PCM1: variants seen among roughly 807,000 people sequenced by gnomAD.
PCM1 encodes pericentriolar material 1.
In PCM1, 157 loss-of-function variants were observed where a neutral mutation model predicts 241.9. The observed-to-expected ratio is 0.65, with a 90% CI of 0.57 to 0.74. The LOEUF is 0.74. Ranked by LOEUF, PCM1 falls within the 30% of genes least tolerant of loss-of-function variation. The pLI is 0.00. For missense variants in PCM1, 3,478 were observed against 2,360.1 expected (o/e 1.47, Z -9.81); for synonymous variants, 1,085 against 784.9 (o/e 1.38, Z -6.39).
At chr8:17,986,118 T>C in intron 26 of PCM1, 31 bp downstream of exon 26, 6 of 1,429,950 alleles carry the variant, frequency 4.2e-6, no homozygotes, top group Non-Finnish European at 5.6e-6. Flanking sequence ...GAATTGTAGA[T>C]ATAATTTTAG....
At chr8:17,984,044 T>A (rs2081823368) in intron 24 of PCM1, among the ~76,000 whole-genome samples, 1 of 152,088 alleles carries the variant, frequency 6.6e-6, no homozygotes, top group Non-Finnish European at 1.5e-5. Context: ...TAAATTTCAG[T>A]TCAGGAGGAG....
In PCM1 at chr8:17,980,791, GT is replaced by G. The variant is rs2080452951; in HGVS notation, c.4108+40del. 2.7e-6 allele frequency: 4 copies of G among 1,494,690 alleles called. No homozygotes were observed. The South Asian group carries it at 3.6e-5, about 14-fold the overall frequency. 92.6% of individuals were successfully genotyped at this position (1,494,690 alleles called of 1,614,324 possible). A position where few individuals can be genotyped will look rare whatever the true frequency, so the allele number is the denominator to read the frequency against. On this transcript the variant is annotated intron_variant, in intron 24 of 38. Coordinates refer to ENST00000325083, the MANE Select transcript of PCM1 (RefSeq NM_006197.4). ...TTTTGGTTTGCATTAATATAAGGAGGTTTTCAGCTTAGATTTGAAAAGCTAT... is the reference window on the plus strand; with the variant it reads ...TTTTGGTTTGCATTAATATAAGGAGGTTTCAGCTTAGATTTGAAAAGCTAT...
chr8:18,009,664 G>T lies in PCM1; in HGVS notation c.5080G>T (p.Asp1694Tyr). The change falls in exon 31 of 39, where the codon GAT (aspartate) becomes TAT (tyrosine). Residue 1694 changes from aspartate (D) to tyrosine (Y), a missense_variant. Asp to Tyr is a radical substitution (Grantham distance 160, BLOSUM62 -3). Transcript: ENST00000325083. Reference sequence around the variant, plus strand: ...TTTCTTTAAGCTTATGCAAGATTTGGATAATAATAGTATAACTGTTAAACA... The same window carrying T: ...TTTCTTTAAGCTTATGCAAGATTTGTATAATAATAGTATAACTGTTAAACA... ...LAFFKLMQDL[D>Y]NNSITVKQRC... 6.3e-7 allele frequency: 1 copy of T among 1,579,398 alleles called. No individual in the cohort carries two copies. Among genetic ancestry groups the T allele is most frequent in the Non-Finnish European group, 8.6e-7 (1 of 1,163,062 alleles).
intron 35 of PCM1, 115 bp from the exon 36 acceptor site, chr8:18,014,469 T>C: frequency 1.3e-6 from 1 of 793,214 alleles, no homozygotes. Context: ...GCCTTTTCTT[T>C]TTGGTCTTAA....
chr8:18,025,399 A>G lies in PCM1; in HGVS notation c.5880A>G (p.Glu1960=). The G allele has an allele frequency of 6.2e-7, 1 of 1,604,780 alleles. No homozygotes were observed. The highest frequency in any genetic ancestry group is 8.5e-7 in the Non-Finnish European group (1 of 1,174,022). ...GTAATATAAGTCAAAAGTCTGATGA[A>G]GAAGATTTTGTAAAAGTTGAAGATT... ...ESGNISQKSD[E]EDFVKVEDLP... Residue 1960 remains glutamate (E), a synonymous_variant, in exon 37 of 39, where the codon GAA becomes GAG. Transcript: ENST00000325083.
At chr8:17,989,710 T>A in intron 26 of PCM1, 149 bp from the exon 27 acceptor site, 2 of 541,038 alleles carry the variant, frequency 3.7e-6, no homozygotes. Flanking sequence ...TTGGTTATAT[T>A]ATCATCTTGT....
chr8:17,945,439 G>C (rs1313394307), intron 6 of PCM1, among the ~76,000 whole-genome samples: 1 of 152,122 alleles, frequency 6.6e-6, no homozygotes, highest in Non-Finnish European at 1.5e-5. Context: ...ATGAAGTCTA[G>C]AGATAGTCTA....
intron 2 of PCM1, among the ~76,000 whole-genome samples, chr8:17,930,846 C>T (rs897649354): frequency 2.0e-5 from 3 of 151,750 alleles, no homozygotes; most frequent in Admixed American, 6.6e-5. Flanking sequence ...CGCCACTGCA[C>T]TCCAGCCTGG....
At chr8:18,023,391 C>T (rs2093916672) in intron 36 of PCM1, among the ~76,000 whole-genome samples, 1 of 152,026 alleles carries the variant, frequency 6.6e-6, no homozygotes, top group Admixed American at 6.6e-5. Context: ...AGCTGGCAGT[C>T]TCTGAATTGG....
At chr8:17,946,291 A>G (rs2063735379) in intron 6 of PCM1, among the ~76,000 whole-genome samples, 1 of 152,190 alleles carries the variant, frequency 6.6e-6, no homozygotes, top group South Asian at 2.1e-4. Flanking sequence ...GAGGAAAATA[A>G]TGATGCCTTT....
At chr8:17,931,788 A>G (rs2059120987) in intron 2 of PCM1, among the ~76,000 whole-genome samples, 1 of 152,140 alleles carries the variant, frequency 6.6e-6, no homozygotes, top group African/African-American at 2.4e-5. Context: ...TATATGTAGA[A>G]TACAGTAGTT....
rs527626199 is a variant in PCM1 at position 17,958,812 on chromosome 8, C to G, written c.2040+1037C>G. Among the ~76,000 whole-genome samples the G allele has an allele frequency of 2.6e-5, 4 of 152,194 alleles. No homozygotes were observed. The East Asian group carries it at 7.7e-4, about 29-fold the overall frequency. ...TTTTGGCTCACTGCAAGCTCCATCT[C>G]CCGGGTTCAAGCGATTCTTCTGCCT... On this transcript the variant is annotated intron_variant, in intron 13 of 38. Coordinates refer to ENST00000325083, the MANE Select transcript of PCM1 (RefSeq NM_006197.4).
In PCM1 at chr8:18,029,623, G is replaced by GT. The variant is rs2094414229; in HGVS notation, c.*1966dup. 4.9e-6 allele frequency: 1 copy of GT among 202,528 alleles called. No individual in the cohort carries two copies. Among genetic ancestry groups the GT allele is most frequent in the Admixed American group, 6.0e-5 (1 of 16,784 alleles). The allele number at this position is 202,528 out of a possible 1,614,324, so 12.5% of individuals were successfully genotyped here. ...CAGCTGCTATTAATCTAAGTCTATTGTTTTTCTATTTTAGTAGATAATTTA... is the reference window on the plus strand; with the variant it reads ...CAGCTGCTATTAATCTAAGTCTATTGTTTTTTCTATTTTAGTAGATAATTTA... On this transcript the variant is annotated 3_prime_UTR_variant, in exon 39 of 39. Transcript: ENST00000325083.
chr8:18,011,448 A>C lies in PCM1; in HGVS notation c.5350+82A>C, dbSNP rs868787031. 74 of 1,264,178 alleles carry C rather than the reference A, an allele frequency of 5.9e-5. No individual in the cohort carries two copies. The African/African-American group carries it at 1.0e-3, about 17-fold the overall frequency. The allele number at this position is 1,264,178 out of a possible 1,614,324, so 78.3% of individuals were successfully genotyped here. On this transcript the variant is annotated intron_variant, in intron 33 of 38. Transcript: ENST00000325083. ...TGGAACAGTTTGGTGGAGTGTAACA[A>C]GTATAAAATTAAGTGTCAAAGAACT...
chr8:17,966,866 G>A, intron 20 of PCM1, 114 bp from the exon 21 acceptor site: 2 of 900,788 alleles, frequency 2.2e-6, no homozygotes, highest in Non-Finnish European at 1.7e-6. Context: ...TACAGTATCA[G>A]AGCAGTTTGT....
intron 23 of PCM1, among the ~76,000 whole-genome samples, chr8:17,979,446 G>C (rs568311133): frequency 6.6e-6 from 1 of 152,314 alleles, no homozygotes; most frequent in South Asian, 2.1e-4. Flanking sequence ...AACTGTTAAA[G>C]TGGCTGGTTA....
intron 6 of PCM1, 108 bp downstream of exon 6, chr8:17,939,969 A>G: frequency 8.3e-7 from 1 of 1,209,994 alleles, no homozygotes; most frequent in African/African-American, 1.5e-5. Context: ...TTTTCAAAAA[A>G]TCATGCCATC....
At chr8:18,013,928 T>G in intron 34 of PCM1, 36 bp from the exon 35 acceptor site, 1 of 1,296,680 alleles carries the variant, frequency 7.7e-7, no homozygotes, top group South Asian at 1.3e-5. Context: ...GACCATATAT[T>G]TCAGGCCCTG....
intron 23 of PCM1, 22 bp from the exon 24 acceptor site, chr8:17,980,569 G>C: frequency 6.4e-7 from 1 of 1,562,170 alleles, no homozygotes; most frequent in Non-Finnish European, 8.6e-7. Flanking sequence ...ACTGATAACA[G>C]TTGTCACTTT....
Sources: allele counts gnomAD v4.1 joint callset (sites outside exome capture counted in the v4.1 genomes callset), GRCh38; gene constraint gnomAD v4.1.1; transcripts MANE v1.5; gene names NCBI Gene and HGNC (gene_info 2026-07-23, HGNC 2026-07-21).